TOX: variants seen among roughly 807,000 people sequenced by gnomAD.
TOX encodes thymocyte selection-associated high mobility group box protein TOX.
Under a neutral mutation model 53.7 loss-of-function variants are expected in TOX, and 11 were observed. The ratio of observed to expected loss-of-function variants is 0.20; its 90% CI spans 0.13 to 0.34. The LOEUF (loss-of-function observed/expected upper bound fraction) is 0.34, where lower values mean the gene tolerates loss of function less well. Among genes scored for constraint, TOX ranks in the 10% least tolerant of loss-of-function variants. The pLI, the probability that TOX is intolerant of heterozygous loss-of-function variation, is 1.00. For synonymous variants in TOX, 225 were observed against 245.3 expected (o/e 0.92, Z 0.77); for missense variants, 570 against 664.6 (o/e 0.86, Z 1.56).
intron 3 of TOX, among the ~76,000 whole-genome samples, chr8:58,929,982 T>C (rs940519796): frequency 1.3e-5 from 2 of 152,206 alleles, no homozygotes; most frequent in South Asian, 2.1e-4. Flanking sequence ...TAATTAATTG[T>C]CAAATACATC....
chr8:58,893,873 T>C (rs1355069489), intron 3 of TOX, among the ~76,000 whole-genome samples: 1 of 152,156 alleles, frequency 6.6e-6, no homozygotes, highest in African/African-American at 2.4e-5. Flanking sequence ...GAATTCAAAG[T>C]ATGTTTGCTT....
At chr8:59,009,981 A>G (rs1813870458) in intron 1 of TOX, among the ~76,000 whole-genome samples, 3 of 152,204 alleles carry the variant, frequency 2.0e-5, no homozygotes, top group Admixed American at 2.0e-4. Context: ...GGAGAATAGA[A>G]TGTCTTATTT....
chr8:58,858,616 C>T (rs1045146542), intron 3 of TOX, among the ~76,000 whole-genome samples: 14 of 152,220 alleles, frequency 9.2e-5, no homozygotes, highest in Admixed American at 1.3e-4. Context: ...AGCAGGAGAA[C>T]GTGAGGAATC....
In TOX at chr8:58,959,838, T is replaced by C. The variant is rs1014177393; in HGVS notation, c.168+105A>G. The stretch of plus-strand genomic sequence containing the variant: ...ATGCTTTGTTTATAAATTATGATTA[T>C]TCCTGATTGCGGCAGTTACTGATAG... On this transcript the variant is annotated intron_variant, in intron 2 of 8. Transcript: ENST00000361421. The C allele has an allele frequency of 3.4e-5, 40 of 1,174,448 alleles. No homozygotes were observed. In the South Asian group the frequency reaches 4.8e-4, roughly 14 times the overall value. 72.8% of individuals were successfully genotyped at this position (1,174,448 alleles called of 1,614,324 possible).
chr8:58,985,199 T>C (rs1277635926), intron 1 of TOX, among the ~76,000 whole-genome samples: 1 of 151,558 alleles, frequency 6.6e-6, no homozygotes, highest in Non-Finnish European at 1.5e-5. Flanking sequence ...CTCATGTCCA[T>C]AGTGGCATTA....
intron 1 of TOX, among the ~76,000 whole-genome samples, chr8:59,084,063 G>A (rs1456740743): frequency 6.6e-6 from 1 of 152,044 alleles, no homozygotes; most frequent in African/African-American, 2.4e-5. Context: ...TGTTATGAGA[G>A]GAAACATTTC....
intron 1 of TOX, among the ~76,000 whole-genome samples, chr8:58,984,181 T>G (rs190746223): frequency 6.6e-6 from 1 of 152,078 alleles, no homozygotes; most frequent in African/African-American, 2.4e-5. Context: ...TAAATCGACA[T>G]TAAAACTTTA....
intron 3 of TOX, among the ~76,000 whole-genome samples, chr8:58,862,471 T>C (rs991694047): frequency 6.6e-6 from 1 of 152,158 alleles, no homozygotes; most frequent in East Asian, 1.9e-4. Flanking sequence ...AACTAGTGAC[T>C]GCTATTCATG....
At chr8:58,824,519 G>C (rs1810335599) in intron 6 of TOX, among the ~76,000 whole-genome samples, 1 of 151,824 alleles carries the variant, frequency 6.6e-6, no homozygotes, top group Non-Finnish European at 1.5e-5. Flanking sequence ...TTGCCACCCT[G>C]AGTCTCTACA....
rs73686721 is a variant in TOX at position 58,861,802 on chromosome 8, C to T, written c.412-9997G>A. Reference sequence around the variant, plus strand: ...TAAGTTGCTTTCTCATATTTTTCCACGGAATGTTAATGGGATGCTTGCAAA... The same window carrying T: ...TAAGTTGCTTTCTCATATTTTTCCATGGAATGTTAATGGGATGCTTGCAAA... On this transcript the variant is annotated intron_variant, in intron 3 of 8. Coordinates refer to ENST00000361421, the MANE Select transcript of TOX (RefSeq NM_014729.3). Among the ~76,000 whole-genome samples, 473 of 152,204 alleles carry T rather than the reference C, an allele frequency of 3.1e-3. 4 individuals are homozygous for T. The highest frequency in any genetic ancestry group is 0.011 in the African/African-American group (438 of 41,540).
intron 2 of TOX, among the ~76,000 whole-genome samples, chr8:58,939,850 C>G (rs566270737): frequency 5.9e-5 from 9 of 152,270 alleles, no homozygotes; most frequent in African/African-American, 2.2e-4. Context: ...TAGCTGAATA[C>G]CTCTTTCATG....
intron 1 of TOX, among the ~76,000 whole-genome samples, chr8:59,006,135 A>G (rs183170176): frequency 6.6e-6 from 1 of 152,348 alleles, no homozygotes; most frequent in East Asian, 1.9e-4. Flanking sequence ...CACTTGTCAG[A>G]AAACAAATAT....
intron 3 of TOX, among the ~76,000 whole-genome samples, chr8:58,853,537 T>A (rs1810861168): frequency 6.6e-6 from 1 of 152,098 alleles, no homozygotes; most frequent in Admixed American, 6.6e-5. Flanking sequence ...CCCAAAGAGA[T>A]CAAATGACTT....
intron 3 of TOX, among the ~76,000 whole-genome samples, chr8:58,936,206 C>T (rs188942156): frequency 4.6e-5 from 7 of 152,330 alleles, no homozygotes; most frequent in Non-Finnish European, 4.4e-5. Flanking sequence ...TTTCAAAATA[C>T]CCAATCTGAT....
At chr8:59,026,070 G>A (rs1308112436) in intron 1 of TOX, among the ~76,000 whole-genome samples, 1 of 152,076 alleles carries the variant, frequency 6.6e-6, no homozygotes, top group Non-Finnish European at 1.5e-5. Flanking sequence ...TGCTCTATCT[G>A]CGCTCATTCA....
intron 5 of TOX, among the ~76,000 whole-genome samples, chr8:58,833,754 G>C (rs935199584): frequency 1.3e-5 from 2 of 152,106 alleles, no homozygotes; most frequent in South Asian, 4.1e-4. Flanking sequence ...TAAAACCCCC[G>C]GTTGGAATCC....
chr8:59,067,914 T>A (rs1804123724), intron 1 of TOX, among the ~76,000 whole-genome samples: 2 of 152,224 alleles, frequency 1.3e-5, no homozygotes, highest in South Asian at 2.1e-4. Flanking sequence ...CCATTTCTGA[T>A]GTGAAAAGGT....
intron 1 of TOX, among the ~76,000 whole-genome samples, chr8:59,090,476 CA>C (rs1255663547): frequency 3.9e-5 from 6 of 152,128 alleles, no homozygotes; most frequent in Non-Finnish European, 8.8e-5. Context: ...AAGGAAAAAG[CA>C]AACCAGAGAA....
At chr8:59,064,824 T>G (rs1489247712) in intron 1 of TOX, among the ~76,000 whole-genome samples, 1 of 152,216 alleles carries the variant, frequency 6.6e-6, no homozygotes, top group Non-Finnish European at 1.5e-5. Flanking sequence ...TTTATTTCAA[T>G]GTATGTCAAT....
Sources: allele counts gnomAD v4.1 joint callset (sites outside exome capture counted in the v4.1 genomes callset), GRCh38; gene constraint gnomAD v4.1.1; transcripts MANE v1.5; gene names NCBI Gene and HGNC (gene_info 2026-07-23, HGNC 2026-07-21).